Variants in VPS8 observed in about 807,000 individuals in gnomAD.
The protein encoded by VPS8 is vacuolar protein sorting-associated protein 8 homolog.
Under a neutral mutation model 216.4 loss-of-function variants are expected in VPS8, and 129 were observed. The ratio of observed to expected loss-of-function variants is 0.60; its 90% CI spans 0.52 to 0.69. VPS8 has a LOEUF of 0.69. VPS8 is among the 30% of genes least tolerant of loss of function. The probability of loss-of-function intolerance (pLI) is 0.00; values close to 1 mark genes in which losing one functional copy is unlikely to be tolerated. For missense variants in VPS8, 1,531 were observed against 1,683.5 expected, an observed-to-expected ratio of 0.91 and a Z score of 1.59; for synonymous variants, 571 against 565.4, an observed-to-expected ratio of 1.01 and a Z score of -0.14.
chr3:184,944,507 G>T, intron 36 of VPS8: 2 of 985,402 alleles, frequency 2.0e-6, no homozygotes, highest in Non-Finnish European at 2.4e-6. Flanking sequence ...GGTTCCTTAT[G>T]CAGTGGGGAT....
chr3:185,042,314 C>T (rs1711834237), intron 46 of VPS8, among the ~76,000 whole-genome samples: 1 of 152,198 alleles, frequency 6.6e-6, no homozygotes, highest in African/African-American at 2.4e-5. Flanking sequence ...TGAAGTTCTG[C>T]TAGGGCAGAT....
At position 184,856,270 on chromosome 3, in the gene VPS8, A is replaced by G. The variant is rs116289521; in HGVS notation, c.1143+452A>G. ...TTTGAAAAGCAAAATCAGTGTGTTC[A>G]TTATTACTACAGAAAATGGTTTAAG... On this transcript the variant is annotated intron_variant, in intron 14 of 47. Coordinates refer to ENST00000625842, the MANE Select transcript of VPS8 (RefSeq NM_001009921.3). 6.4e-3 allele frequency among the ~76,000 whole-genome samples: 978 copies of G among 152,342 alleles called. 11 individuals are homozygous for G. The highest frequency in any genetic ancestry group is 0.023 in the African/African-American group (942 of 41,584).
At chr3:185,025,747 T>G (rs1220392234) in intron 46 of VPS8, among the ~76,000 whole-genome samples, 1 of 152,178 alleles carries the variant, frequency 6.6e-6, no homozygotes, top group Non-Finnish European at 1.5e-5. Context: ...GGGATTCCAA[T>G]TTTTTGTCTT....
At chr3:185,001,207 G>C (rs932053912) in intron 45 of VPS8, among the ~76,000 whole-genome samples, 2 of 152,122 alleles carry the variant, frequency 1.3e-5, no homozygotes, top group African/African-American at 4.8e-5. Flanking sequence ...GTTCAGTTCT[G>C]ATACTAGCTA....
At chr3:185,035,972 G>A (rs555366017) in intron 46 of VPS8, among the ~76,000 whole-genome samples, 3 of 152,256 alleles carry the variant, frequency 2.0e-5, no homozygotes, top group Admixed American at 2.0e-4. Context: ...CAGTGTTCAG[G>A]CTGAGAATGA....
chr3:184,947,475 G>C (rs1465049407), intron 36 of VPS8, among the ~76,000 whole-genome samples: 1 of 151,914 alleles, frequency 6.6e-6, no homozygotes, highest in African/African-American at 2.4e-5. Flanking sequence ...TATTGAAACA[G>C]TCTTTTAGTC....
intron 36 of VPS8, among the ~76,000 whole-genome samples, chr3:184,951,862 A>G (rs550004661): frequency 5.3e-5 from 8 of 152,330 alleles, no homozygotes; most frequent in African/African-American, 1.9e-4. Flanking sequence ...GATTATATTG[A>G]TGTGGCCTGA....
chr3:184,933,824 A>G (rs1741137051), intron 34 of VPS8, among the ~76,000 whole-genome samples: 2 of 152,106 alleles, frequency 1.3e-5, no homozygotes, highest in Admixed American at 6.5e-5. Context: ...CTTCTGTTCC[A>G]TTGGTCTGTT....
chr3:184,855,759 C>G lies in VPS8; in HGVS notation c.1084C>G (p.Gln362Glu), dbSNP rs751703235. 6.2e-7 allele frequency: 1 copy of G among 1,613,726 alleles called. No individual in the cohort carries two copies. Among genetic ancestry groups the G allele is most frequent in the African/African-American group, 1.3e-5 (1 of 75,014 alleles). The change falls in exon 14 of 48, where the codon CAA becomes GAA. Residue 362 changes from glutamine (Q) to glutamate (E), a missense_variant. By Grantham distance (29) the Gln-to-Glu change is conservative. Around this residue, in one of 3 missense-constraint regions of VPS8, gnomAD observed 1,318 missense variants for 1,468.4 expected, o/e 0.90. Transcript: ENST00000625842. ...PLLAWHFVAV[Q>E]NYVNPMLAFC... Reference sequence around the variant, plus strand: ...GCTGGCCTGGCACTTTGTAGCAGTACAAAATTACGTGAATCCCATGCTTGC... The same window carrying G: ...GCTGGCCTGGCACTTTGTAGCAGTAGAAAATTACGTGAATCCCATGCTTGC...
intron 45 of VPS8, among the ~76,000 whole-genome samples, chr3:185,009,417 C>G (rs1447286428): frequency 6.6e-6 from 1 of 152,036 alleles, no homozygotes; most frequent in Non-Finnish European, 1.5e-5. Context: ...AATACATATG[C>G]ATTTACATTG....
intron 39 of VPS8, among the ~76,000 whole-genome samples, chr3:184,969,099 T>G (rs1577016135): frequency 6.6e-6 from 1 of 152,180 alleles, no homozygotes; most frequent in Admixed American, 6.5e-5. Context: ...TTTTAAAATT[T>G]TAGTGTTATA....
intron 45 of VPS8, among the ~76,000 whole-genome samples, chr3:185,018,867 C>T (rs765431063): frequency 3.3e-5 from 5 of 152,098 alleles, no homozygotes; most frequent in East Asian, 1.9e-4. Context: ...TCGCTCGAGG[C>T]GCTGCTCGAA....
intron 40 of VPS8, among the ~76,000 whole-genome samples, chr3:184,981,107 G>A (rs1750127156): frequency 6.6e-6 from 1 of 152,226 alleles, no homozygotes; most frequent in African/African-American, 2.4e-5. Context: ...TGAGCTGCTT[G>A]TTCTAACCCT....
chr3:185,042,151 A>G (rs1711787059), intron 46 of VPS8, among the ~76,000 whole-genome samples: 4 of 152,184 alleles, frequency 2.6e-5, no homozygotes, highest in Non-Finnish European at 5.9e-5. Flanking sequence ...GATGGTGGGT[A>G]TTATTCCAGA....
chr3:184,911,794 C>G (rs961715402), intron 25 of VPS8, among the ~76,000 whole-genome samples: 4 of 152,188 alleles, frequency 2.6e-5, no homozygotes, highest in Non-Finnish European at 4.4e-5. Flanking sequence ...TTACCCACCC[C>G]TCTTTCCTCA....
At chr3:184,945,184 T>C (rs1226150331) in intron 36 of VPS8, among the ~76,000 whole-genome samples, 1 of 151,934 alleles carries the variant, frequency 6.6e-6, no homozygotes, top group Non-Finnish European at 1.5e-5. Flanking sequence ...TATATATATA[T>C]GTTTATTACA....
chr3:184,871,401 C>G (rs1446472277), intron 21 of VPS8, among the ~76,000 whole-genome samples: 1 of 152,088 alleles, frequency 6.6e-6, no homozygotes, highest in East Asian at 1.9e-4. Flanking sequence ...TACTCCCTTC[C>G]CTCTGCCTAC....
chr3:184,928,940 CAT>C (rs780650976), intron 32 of VPS8, among the ~76,000 whole-genome samples: 9 of 151,972 alleles, frequency 5.9e-5, no homozygotes, highest in Admixed American at 3.9e-4. Flanking sequence ...ATTTATATGA[CAT>C]GTAATTCTGA....
At chr3:184,933,807 T>C (rs1741133409) in intron 34 of VPS8, among the ~76,000 whole-genome samples, 1 of 152,222 alleles carries the variant, frequency 6.6e-6, no homozygotes, top group Admixed American at 6.5e-5. Context: ...AGTCTGTTTC[T>C]CTGGGCCTTC....
Sources: gnomAD v4.1 joint callset for allele counts (sites outside exome capture counted in the v4.1 genomes callset) on GRCh38, gnomAD v4.1.1 for gene constraint, gnomAD v4.1.1 regional missense constraint, MANE v1.5 for transcripts, NCBI Gene and HGNC (gene_info 2026-07-23, HGNC 2026-07-21) for gene names.